The following DLC1 variants were observed in gnomAD, a reference collection of about 807,000 sequenced individuals.
The protein encoded by DLC1 is DLC1 Rho GTPase activating protein.
DLC1 carries 54 observed loss-of-function variants against 140.3 expected under a neutral mutation model. The observed-to-expected ratio is 0.38, with a 90% CI of 0.31 to 0.48. The LOEUF (loss-of-function observed/expected upper bound fraction) is 0.48. DLC1 is among the 20% of genes least tolerant of loss of function. DLC1 has a pLI of 0.96. For synonymous variants in DLC1, 986 were observed against 728.1 expected, an observed-to-expected ratio of 1.35 and a Z score of -5.70; for missense variants, 2,536 against 1,907.0, an observed-to-expected ratio of 1.33 and a Z score of -6.14.
chr8:13,355,959 G>A (rs966930474), intron 4 of DLC1, among the ~76,000 whole-genome samples: 2 of 150,954 alleles, frequency 1.3e-5, no homozygotes, highest in African/African-American at 4.9e-5. Context: ...GCATAGTGGC[G>A]GGCACCTGTA....
intron 2 of DLC1, among the ~76,000 whole-genome samples, chr8:13,438,117 C>G (rs576090420): frequency 1.3e-5 from 2 of 151,610 alleles, no homozygotes; most frequent in East Asian, 3.9e-4. Context: ...GTTCTCAATT[C>G]CAGTTGCCCA....
intron 5 of DLC1, among the ~76,000 whole-genome samples, chr8:13,178,791 C>G (rs1275185686): frequency 6.6e-6 from 1 of 151,880 alleles, no homozygotes; most frequent in Non-Finnish European, 1.5e-5. Context: ...ATGGAAAACA[C>G]CAAGAGTTGG....
intron 5 of DLC1, among the ~76,000 whole-genome samples, chr8:13,178,891 T>C (rs1398904288): frequency 1.3e-5 from 2 of 152,282 alleles, no homozygotes; most frequent in Non-Finnish European, 2.9e-5. Context: ...AACTGTGATA[T>C]GGCAATTCTA....
intron 6 of DLC1, among the ~76,000 whole-genome samples, chr8:13,112,740 T>G (rs1047174644): frequency 2.0e-5 from 3 of 152,188 alleles, no homozygotes; most frequent in African/African-American, 4.8e-5. Flanking sequence ...AGAGATGCGA[T>G]CTCACTACGT....
At chr8:13,409,618 T>C (rs1049424301) in intron 2 of DLC1, among the ~76,000 whole-genome samples, 1 of 152,234 alleles carries the variant, frequency 6.6e-6, no homozygotes, top group Non-Finnish European at 1.5e-5. Context: ...TTTTCATTCA[T>C]GTAATAACTT....
chr8:13,450,009 A>T (rs575197303), intron 2 of DLC1, among the ~76,000 whole-genome samples: 83 of 152,248 alleles, frequency 5.5e-4, no homozygotes, highest in South Asian at 1.0e-3. Context: ...TTATTGTGGC[A>T]GTCAGTTATA....
intron 2 of DLC1, among the ~76,000 whole-genome samples, chr8:13,408,405 T>C (rs986788655): frequency 1.3e-5 from 2 of 152,204 alleles, no homozygotes; most frequent in Non-Finnish European, 2.9e-5. Flanking sequence ...TAAGACATGT[T>C]GAAGAAAATT....
chr8:13,225,259 A>T (rs1436679402), intron 5 of DLC1, among the ~76,000 whole-genome samples: 1 of 152,216 alleles, frequency 6.6e-6, no homozygotes, highest in African/African-American at 2.4e-5. Flanking sequence ...AAGTGGCCCC[A>T]AAACACTTTC....
intron 1 of DLC1, among the ~76,000 whole-genome samples, chr8:13,573,265 T>C (rs1017195980): frequency 6.6e-6 from 1 of 152,204 alleles, no homozygotes; most frequent in African/African-American, 2.4e-5. Flanking sequence ...TTTGGATTGT[T>C]CATTTCTATT....
intron 5 of DLC1, among the ~76,000 whole-genome samples, chr8:13,170,736 A>C (rs1234827693): frequency 6.6e-6 from 1 of 151,940 alleles, no homozygotes; most frequent in Non-Finnish European, 1.5e-5. Context: ...TCTCAAAAAA[A>C]AAAAAAAAAA....
Position 13,458,000 on chromosome 8 carries a change from C to A in DLC1, c.1023+41049G>T, listed in dbSNP as rs553703422. Among the ~76,000 whole-genome samples the A allele has an allele frequency of 3.3e-5, 5 of 152,218 alleles. No homozygotes were observed. The East Asian group carries it at 9.7e-4, about 29-fold the overall frequency. On this transcript the variant is annotated intron_variant, in intron 2 of 17. Coordinates refer to ENST00000276297, the MANE Select transcript of DLC1 (RefSeq NM_182643.3). ...AGAATAGGTTCAAGAAGGACCAACA[C>A]AGACCACGAAGTTGGACAGTAAATT...
intron 1 of DLC1, among the ~76,000 whole-genome samples, chr8:13,548,843 C>G (rs1305821280): frequency 6.6e-6 from 1 of 152,016 alleles, no homozygotes; most frequent in Non-Finnish European, 1.5e-5. Context: ...AGATCACTTA[C>G]ATTTCTGACA....
At chr8:13,232,139 G>T (rs905380789) in intron 5 of DLC1, among the ~76,000 whole-genome samples, 1 of 152,074 alleles carries the variant, frequency 6.6e-6, no homozygotes, top group Non-Finnish European at 1.5e-5. Context: ...ACAATTTAGG[G>T]TCAGTGGCAA....
intron 4 of DLC1, among the ~76,000 whole-genome samples, chr8:13,383,547 C>A (rs964686658): frequency 2.0e-5 from 3 of 152,166 alleles, no homozygotes; most frequent in African/African-American, 7.2e-5. Context: ...AGAGACATGG[C>A]ACATTGTCAC....
chr8:13,315,378 T>C (rs1832826828), intron 4 of DLC1, among the ~76,000 whole-genome samples: 1 of 152,222 alleles, frequency 6.6e-6, no homozygotes, highest in South Asian at 2.1e-4. Context: ...AGTGGTAAAT[T>C]GTGTTAACAT....
At chr8:13,587,362 C>T (rs569638163) in intron 1 of DLC1, among the ~76,000 whole-genome samples, 1 of 151,826 alleles carries the variant, frequency 6.6e-6, no homozygotes, top group African/African-American at 2.4e-5. Flanking sequence ...CCATCTGGAA[C>T]TTTGTTTTAG....
intron 7 of DLC1, among the ~76,000 whole-genome samples, chr8:13,104,493 T>C (rs890522355): frequency 6.6e-6 from 1 of 152,226 alleles, no homozygotes; most frequent in African/African-American, 2.4e-5. Flanking sequence ...ATCTCCCAGA[T>C]GATCATCACT....
intron 1 of DLC1, among the ~76,000 whole-genome samples, chr8:13,583,421 A>T (rs146694075): frequency 4.6e-4 from 70 of 152,288 alleles, no homozygotes; most frequent in African/African-American, 1.7e-3. Flanking sequence ...TTTTCTCACA[A>T]GATTGCAGCA....
Position 13,110,781 on chromosome 8 carries a change from T to G in DLC1, c.1463A>C (p.His488Pro). 6.2e-7 allele frequency: 1 copy of G among 1,614,082 alleles called. No homozygotes were observed. Among genetic ancestry groups the G allele is most frequent in the Non-Finnish European group, 8.5e-7 (1 of 1,180,006 alleles). The change falls in exon 7 of 18, where the codon CAT becomes CCT. Residue 488 changes from histidine to proline, a missense_variant. Coordinates refer to ENST00000276297, the MANE Select transcript of DLC1 (RefSeq NM_182643.3). ...PIDISLVKRE[H>P]DFLDRDAIEA... ...AATGGCATCTCTGTCCAAAAAATCA[T>G]GCTCTCTCTTGACCAAGGAAATATC... is the stretch of plus-strand genomic sequence containing the variant.
Sources: allele counts gnomAD v4.1 joint callset (sites outside exome capture counted in the v4.1 genomes callset), GRCh38; gene constraint gnomAD v4.1.1; transcripts MANE v1.5; gene names NCBI Gene and HGNC (gene_info 2026-07-23, HGNC 2026-07-21).